Variants in LDAH observed in about 807,000 individuals in gnomAD.
The protein encoded by LDAH is lipid droplet-associated hydrolase.
Under a neutral mutation model 29.6 loss-of-function variants are expected in LDAH, and 26 were observed. That is an observed-to-expected ratio of 0.88 (90% CI 0.64 to 1.22). LDAH has a LOEUF of 1.22. LDAH is among the 50% of genes most tolerant of loss of function. The pLI, the probability that LDAH is intolerant of heterozygous loss-of-function variation, is 0.00. For synonymous variants in LDAH, 117 were observed against 133.0 expected, an observed-to-expected ratio of 0.88 and a Z score of 0.83; for missense variants, 344 against 387.3, an observed-to-expected ratio of 0.89 and a Z score of 0.94.
At chr2:20,760,671 T>C (rs1668621660) in intron 4 of LDAH, among the ~76,000 whole-genome samples, 1 of 152,224 alleles carries the variant, frequency 6.6e-6, no homozygotes, top group Non-Finnish European at 1.5e-5. Flanking sequence ...TTGCAACTCC[T>C]TGCCATATAG....
rs749291436 is a variant in LDAH, at chr2:20,740,085, A to G, written c.589T>C (p.Leu197=). The part of the protein sequence containing the change: ...RYVLYVTGYL[L]LKPCPETIKS... ...ATTGTCTCAGGACACGGTTTCAATA[A>G]TAAGTAGCCAGTAACATAGAGAACA... Residue 197 remains leucine (L), a synonymous_variant, in exon 5 of 7, where the codon TTA becomes CTA. Coordinates refer to ENST00000237822, the MANE Select transcript of LDAH (RefSeq NM_021925.4). The G allele has an allele frequency of 2.5e-6, 4 of 1,614,038 alleles. No homozygotes were observed. Among genetic ancestry groups the G allele is most frequent in the East Asian group, 2.2e-5 (1 of 44,888 alleles).
intron 6 of LDAH, among the ~76,000 whole-genome samples, chr2:20,693,917 G>A (rs974196068): frequency 1.3e-5 from 2 of 152,256 alleles, no homozygotes; most frequent in East Asian, 3.9e-4. Flanking sequence ...CCAAAGAGGA[G>A]TGACACAGAT....
intron 4 of LDAH, among the ~76,000 whole-genome samples, chr2:20,743,368 GGTTA>G (rs1295919836): frequency 1.4e-5 from 2 of 141,900 alleles, no homozygotes; most frequent in Non-Finnish European, 3.0e-5. Context: ...ACATTGTGCA[GGTTA>G]GTTACATATG....
At chr2:20,820,567 G>C (rs375527136) in intron 1 of LDAH, among the ~76,000 whole-genome samples, 1 of 152,038 alleles carries the variant, frequency 6.6e-6, no homozygotes, top group Admixed American at 6.6e-5. Flanking sequence ...GCCATATGTA[G>C]AAAGCTGAAA....
chr2:20,807,084 AG>A lies in LDAH; in HGVS notation c.-2-5620del, dbSNP rs1238739554. On this transcript the variant is annotated intron_variant, in intron 1 of 6. Transcript: ENST00000237822. ...ATCAATCAATATCAGAAGTGAAAAA[AG>A]GATATCACTCCAGATTCTACAGACA... Among the ~76,000 whole-genome samples, 9 of 152,224 alleles carry A rather than the reference AG, an allele frequency of 5.9e-5. No individual in the cohort carries two copies. The East Asian group carries it at 1.7e-3, about 29-fold the overall frequency.
intron 3 of LDAH, chr2:20,789,413 A>G: frequency 6.9e-7 from 1 of 1,448,416 alleles, no homozygotes; most frequent in Non-Finnish European, 9.1e-7. Flanking sequence ...GTCCAGTCTC[A>G]AGAAACTATG....
intron 5 of LDAH, among the ~76,000 whole-genome samples, chr2:20,715,465 C>T (rs140337541): frequency 5.1e-4 from 78 of 152,180 alleles, no homozygotes; most frequent in African/African-American, 1.5e-3. Flanking sequence ...CTTTGCAAAC[C>T]GGCACAAGAC....
At chr2:20,784,454 T>A (rs1026836672) in intron 3 of LDAH, among the ~76,000 whole-genome samples, 1 of 152,152 alleles carries the variant, frequency 6.6e-6, no homozygotes, top group East Asian at 1.9e-4. Flanking sequence ...TTAATAGCTA[T>A]CATATTTATA....
In LDAH at chr2:20,770,127, T is replaced by C. The variant is rs187184033; in HGVS notation, c.468+4683A>G. 6.6e-5 allele frequency among the ~76,000 whole-genome samples: 10 copies of C among 152,306 alleles called. 1 individual carries two copies. In the South Asian group the frequency reaches 1.2e-3, roughly 19 times the overall value. On this transcript the variant is annotated intron_variant, in intron 4 of 6. Transcript: ENST00000237822. ...AAATCACTAAGAAAAAATTCCTCTA[T>C]AGTCAATATGCATTGCTGAAGGCAG...
At chr2:20,774,777 A>C (rs772944864) in intron 4 of LDAH, 33 bp downstream of exon 4, 25 of 1,606,180 alleles carry the variant, frequency 1.6e-5, no homozygotes, top group Non-Finnish European at 2.1e-5. Flanking sequence ...CACACAGTCC[A>C]GCACCCACAG....
At chr2:20,799,719 T>C (rs990442288) in intron 2 of LDAH, among the ~76,000 whole-genome samples, 1 of 152,198 alleles carries the variant, frequency 6.6e-6, no homozygotes, top group Non-Finnish European at 1.5e-5. Context: ...CATTATACTC[T>C]GCCTTTACGA....
At chr2:20,814,450 A>AT (rs1377159338) in intron 1 of LDAH, among the ~76,000 whole-genome samples, 1 of 151,984 alleles carries the variant, frequency 6.6e-6, no homozygotes, top group African/African-American at 2.4e-5. Context: ...GAACTTTTTG[A>AT]TTTTTTATTT....
At chr2:20,710,323 G>A (rs1238783724) in intron 5 of LDAH, among the ~76,000 whole-genome samples, 1 of 151,892 alleles carries the variant, frequency 6.6e-6, no homozygotes, top group Non-Finnish European at 1.5e-5. Context: ...CATGAATGTA[G>A]ACACCTTGGA....
At chr2:20,755,459 G>A (rs1054996344) in intron 4 of LDAH, among the ~76,000 whole-genome samples, 2 of 152,106 alleles carry the variant, frequency 1.3e-5, no homozygotes, top group Non-Finnish European at 2.9e-5. Flanking sequence ...TTAGTAAACT[G>A]TAAATTCTGC....
intron 5 of LDAH, among the ~76,000 whole-genome samples, chr2:20,706,729 C>G (rs938703389): frequency 6.7e-6 from 1 of 149,730 alleles, no homozygotes; most frequent in Non-Finnish European, 1.5e-5. Context: ...AGATAAAATA[C>G]ATGAAGAAAA....
At chr2:20,799,538 C>T (rs2125101446) in intron 2 of LDAH, among the ~76,000 whole-genome samples, 1 of 152,246 alleles carries the variant, frequency 6.6e-6, no homozygotes, top group South Asian at 2.1e-4. Context: ...ATACAATACA[C>T]TACTGTTAAC....
intron 1 of LDAH, among the ~76,000 whole-genome samples, chr2:20,812,136 C>T (rs1672542245): frequency 6.6e-6 from 1 of 152,100 alleles, no homozygotes; most frequent in Non-Finnish European, 1.5e-5. Flanking sequence ...GTTTAAGTTT[C>T]AAGAAAATAA....
chr2:20,808,349 G>A (rs951299548), intron 1 of LDAH, among the ~76,000 whole-genome samples: 1 of 152,042 alleles, frequency 6.6e-6, no homozygotes, highest in African/African-American at 2.4e-5. Flanking sequence ...TATGTATGTG[G>A]AAGTGTAAAA....
intron 5 of LDAH, among the ~76,000 whole-genome samples, chr2:20,722,419 G>A (rs1665719157): frequency 6.7e-6 from 1 of 148,218 alleles, no homozygotes; most frequent in South Asian, 2.2e-4. Context: ...CACAGGGGTA[G>A]ACAGTAGAAT....
Sources: gnomAD v4.1 joint callset for allele counts (sites outside exome capture counted in the v4.1 genomes callset) on GRCh38, gnomAD v4.1.1 for gene constraint, MANE v1.5 for transcripts, NCBI Gene and HGNC (gene_info 2026-07-23, HGNC 2026-07-21) for gene names.